NOVA1: variants seen among roughly 807,000 people sequenced by gnomAD.
The protein encoded by NOVA1 is NOVA alternative splicing regulator 1, also known as RNA-binding protein Nova-1.
In NOVA1, 7 loss-of-function variants were observed where a neutral mutation model predicts 38.0. The observed-to-expected ratio is 0.18, with a 90% CI of 0.10 to 0.35. NOVA1 has a LOEUF of 0.35. NOVA1 is among the 10% of genes least tolerant of loss of function. The pLI, the probability that NOVA1 is intolerant of heterozygous loss-of-function variation, is 1.00. For missense variants in NOVA1, 460 were observed against 616.0 expected, an observed-to-expected ratio of 0.75 and a Z score of 2.68; for synonymous variants, 270 against 232.5, an observed-to-expected ratio of 1.16 and a Z score of -1.47.
intron 3 of NOVA1, chr14:26,479,062 C>T (rs1445877006): frequency 6.6e-6 from 1 of 151,668 alleles, no homozygotes; most frequent in Non-Finnish European, 1.5e-5. Flanking sequence ...AGACTTTGAG[C>T]TACATTTCAA....
Position 26,532,172 on chromosome 14 carries a change from T to C in NOVA1, c.281-52029A>G, listed in dbSNP as rs569004339. 9.8e-5 allele frequency among the ~76,000 whole-genome samples: 15 copies of C among 152,296 alleles called. No homozygotes were observed. In the South Asian group the frequency reaches 1.0e-3, roughly 11 times the overall value. On this transcript the variant is annotated intron_variant, in intron 2 of 4. Coordinates refer to ENST00000539517, the MANE Select transcript of NOVA1 (RefSeq NM_002515.3). Reference sequence around the variant, plus strand: ...TTGAATATTCCATATGACTCAGATATACCATTCCTAAGTATTTACCCAAGA... The same window carrying C: ...TTGAATATTCCATATGACTCAGATACACCATTCCTAAGTATTTACCCAAGA...
Position 26,448,904 on chromosome 14 carries a change from A to G in NOVA1, c.579T>C (p.Thr193=), listed in dbSNP as rs370349857. ...CTGACTGCTCCATTACAGCCTTCAC[A>G]GTAGCACCTCCCTTCCCTATTATCA... ...AGLIIGKGGA[T]VKAVMEQSGA... Residue 193 remains threonine, a synonymous_variant, in exon 5 of 5, where the codon ACT becomes ACC. Coordinates refer to ENST00000539517, the MANE Select transcript of NOVA1 (RefSeq NM_002515.3). The surrounding 1 kb of genome is among the most constrained non-coding windows in gnomAD (Gnocchi z 5.3). 2.5e-6 allele frequency: 4 copies of G among 1,614,132 alleles called. No individual in the cohort carries two copies. Among genetic ancestry groups the G allele is most frequent in the Non-Finnish European group, 3.4e-6 (4 of 1,180,036 alleles).
At chr14:26,486,038 T>G (rs1885857740) in intron 2 of NOVA1, among the ~76,000 whole-genome samples, 2 of 152,214 alleles carry the variant, frequency 1.3e-5, no homozygotes, top group Admixed American at 6.5e-5. Flanking sequence ...TTTATAGAGA[T>G]AACTGCTACT....
At chr14:26,533,122 A>C (rs1417863716) in intron 2 of NOVA1, among the ~76,000 whole-genome samples, 1 of 152,222 alleles carries the variant, frequency 6.6e-6, no homozygotes, top group Non-Finnish European at 1.5e-5. Context: ...CGTCTGAAAT[A>C]AAGACAAGGA....
At chr14:26,536,669 G>A (rs1207869008) in intron 2 of NOVA1, among the ~76,000 whole-genome samples, 1 of 151,784 alleles carries the variant, frequency 6.6e-6, no homozygotes, top group African/African-American at 2.4e-5. Context: ...AACCATAAGT[G>A]AGCATATTCA....
intron 2 of NOVA1, among the ~76,000 whole-genome samples, chr14:26,582,344 A>C (rs1028407524): frequency 1.3e-5 from 2 of 151,806 alleles, no homozygotes; most frequent in African/African-American, 4.8e-5. Context: ...GCTTCAGTAA[A>C]ACCCTTGGAT....
At chr14:26,546,045 G>T (rs952088626) in intron 2 of NOVA1, among the ~76,000 whole-genome samples, 35 of 151,962 alleles carry the variant, frequency 2.3e-4, no homozygotes, top group African/African-American at 6.7e-4. Context: ...GAAATCATTT[G>T]ATATATAAAA....
At chr14:26,516,354 G>T (rs10140751) in intron 2 of NOVA1, among the ~76,000 whole-genome samples, 51,455 of 151,906 alleles carry the variant, frequency 0.34, 10,397 homozygotes, top group African/African-American at 0.57. Context: ...CAGAAGTTCT[G>T]GATTTTCATG....
intron 2 of NOVA1, among the ~76,000 whole-genome samples, chr14:26,509,559 T>C (rs1452498970): frequency 6.6e-6 from 1 of 152,174 alleles, no homozygotes; most frequent in Non-Finnish European, 1.5e-5. Flanking sequence ...ATAGATAAAA[T>C]TTATAAAATT....
intron 2 of NOVA1, among the ~76,000 whole-genome samples, chr14:26,574,832 AT>A (rs886775484): frequency 3.3e-5 from 5 of 149,650 alleles, no homozygotes; most frequent in Non-Finnish European, 4.5e-5. Context: ...ATTTAAAAAA[AT>A]TTTTTTTTTG....
rs951620595 is a variant in NOVA1 at position 26,511,752 on chromosome 14, A to G, written c.281-31609T>C. ...GGTGACAGAGTGAGACTGTGTCTCA[A>G]AAGAAAAAAAAAAAGAAGAGTTTCC... is the stretch of plus-strand genomic sequence containing the variant. On this transcript the variant is annotated intron_variant, in intron 2 of 4. Transcript: ENST00000539517. Among the ~76,000 whole-genome samples, 5 of 148,976 alleles carry G rather than the reference A, an allele frequency of 3.4e-5. No individual in the cohort carries two copies. The South Asian group carries it at 1.0e-3, about 31-fold the overall frequency.
At chr14:26,464,269 T>G (rs1339704114) in intron 4 of NOVA1, among the ~76,000 whole-genome samples, 1 of 152,234 alleles carries the variant, frequency 6.6e-6, no homozygotes, top group Non-Finnish European at 1.5e-5. Flanking sequence ...TGCCTAGTGA[T>G]GTAGCAGCCA....
chr14:26,496,522 C>T (rs1886801391), intron 2 of NOVA1, among the ~76,000 whole-genome samples: 1 of 151,964 alleles, frequency 6.6e-6, no homozygotes, highest in African/African-American at 2.4e-5. Flanking sequence ...TCAATTTTGG[C>T]TTTTGTTGCC....
At chr14:26,498,897 T>G (rs905016369) in intron 2 of NOVA1, among the ~76,000 whole-genome samples, 11 of 152,060 alleles carry the variant, frequency 7.2e-5, no homozygotes, top group African/African-American at 2.7e-4. Context: ...ACAACTTGGG[T>G]GGAATTGGAG....
intron 2 of NOVA1, among the ~76,000 whole-genome samples, chr14:26,539,416 T>C (rs560288679): frequency 6.6e-6 from 1 of 152,304 alleles, no homozygotes; most frequent in South Asian, 2.1e-4. Context: ...AGGCTTCAGA[T>C]TTTGTTTCTA....
At chr14:26,454,138 G>C (rs143573735) in intron 4 of NOVA1, among the ~76,000 whole-genome samples, 2 of 151,986 alleles carry the variant, frequency 1.3e-5, no homozygotes, top group Non-Finnish European at 2.9e-5. Flanking sequence ...ATACACTAAT[G>C]ATAGCTGAAG....
At chr14:26,514,074 T>C (rs955490992) in intron 2 of NOVA1, among the ~76,000 whole-genome samples, 8 of 151,748 alleles carry the variant, frequency 5.3e-5, no homozygotes, top group Admixed American at 6.6e-5. Flanking sequence ...TAACTTATTT[T>C]TAAAGTGCAA....
At position 26,597,761 on chromosome 14, in the gene NOVA1, G is replaced by T; in HGVS notation, c.-325C>A. 1.1e-6 allele frequency: 1 copy of T among 938,298 alleles called. No homozygotes were observed. The highest frequency in any genetic ancestry group is 1.3e-6 in the Non-Finnish European group (1 of 777,126). 58.1% of individuals were successfully genotyped at this position (938,298 alleles called of 1,614,324 possible). A position where few individuals can be genotyped will look rare whatever the true frequency, so the allele number is the denominator to read the frequency against. On this transcript the variant is annotated 5_prime_UTR_variant, in exon 1 of 5. Transcript: ENST00000539517. ...GAGAGTGGAGAAGGGAGAGGGGCGAGTGAATGAGCGGGAGGAGGGGACCGG... is the reference window on the plus strand; with the variant it reads ...GAGAGTGGAGAAGGGAGAGGGGCGATTGAATGAGCGGGAGGAGGGGACCGG...
chr14:26,537,256 A>C (rs2138580823), intron 2 of NOVA1, among the ~76,000 whole-genome samples: 1 of 152,100 alleles, frequency 6.6e-6, no homozygotes, highest in Non-Finnish European at 1.5e-5. Context: ...CACATGGTAA[A>C]ATATTAAGTG....
Sources: allele counts gnomAD v4.1 joint callset (sites outside exome capture counted in the v4.1 genomes callset), GRCh38; gene constraint gnomAD v4.1.1; non-coding constraint Gnocchi (gnomAD v3.1); transcripts MANE v1.5; gene names NCBI Gene and HGNC (gene_info 2026-07-23, HGNC 2026-07-21).